The following MAB21L3 variants were observed in gnomAD, a reference collection of about 807,000 sequenced individuals.
MAB21L3 encodes the protein protein mab-21-like 3.
A neutral mutation model predicts 37.7 loss-of-function variants in MAB21L3; 36 were observed. The observed-to-expected ratio is 0.96, with a 90% CI of 0.73 to 1.26. The LOEUF is 1.26. Among genes scored for constraint, MAB21L3 ranks in the 50% most tolerant of loss-of-function variants. MAB21L3 has a pLI of 0.00. For synonymous variants in MAB21L3, 186 were observed against 176.8 expected, an observed-to-expected ratio of 1.05 and a Z score of -0.41; for missense variants, 430 against 447.3, an observed-to-expected ratio of 0.96 and a Z score of 0.35.
chr1:116,117,544 C>T (rs191642916), intron 3 of MAB21L3, among the ~76,000 whole-genome samples: 6 of 152,182 alleles, frequency 3.9e-5, no homozygotes, highest in Admixed American at 3.3e-4. Flanking sequence ...ATCTTAGCAC[C>T]TCAACTCTTA....
At chr1:116,130,763 C>T (rs565863018) in intron 7 of MAB21L3, among the ~76,000 whole-genome samples, 2 of 152,290 alleles carry the variant, frequency 1.3e-5, no homozygotes, top group African/African-American at 4.8e-5. Context: ...TTATTTATTC[C>T]TAAAACCCAC....
At chr1:116,131,516 AT>A (rs61649212) in intron 7 of MAB21L3, among the ~76,000 whole-genome samples, 24 of 150,466 alleles carry the variant, frequency 1.6e-4, no homozygotes, top group African/African-American at 4.4e-4. Context: ...TATTTTATTA[AT>A]TTTTTTTTTG....
chr1:116,129,269 A>C (rs1014882696), intron 7 of MAB21L3, among the ~76,000 whole-genome samples: 1 of 152,088 alleles, frequency 6.6e-6, no homozygotes, highest in Non-Finnish European at 1.5e-5. Flanking sequence ...GCCTTTGACC[A>C]CCCTCCCGAC....
intron 3 of MAB21L3, among the ~76,000 whole-genome samples, chr1:116,118,918 C>T (rs1235337706): frequency 6.6e-6 from 1 of 152,218 alleles, no homozygotes; most frequent in African/African-American, 2.4e-5. Context: ...CTGTGCAAAC[C>T]TCTACCTTGC....
chr1:116,136,417 G>A lies in MAB21L3; in HGVS notation c.*3052G>A, dbSNP rs1394029075. Among the ~76,000 whole-genome samples, 2 of 151,800 alleles carry A rather than the reference G, an allele frequency of 1.3e-5. No individual in the cohort carries two copies. Among genetic ancestry groups the A allele is most frequent in the Non-Finnish European group, 3.0e-5 (2 of 67,772 alleles). On this transcript the variant is annotated 3_prime_UTR_variant, in exon 8 of 8. Coordinates refer to ENST00000369500, the MANE Select transcript of MAB21L3 (RefSeq NM_152367.3). Reference sequence around the variant, plus strand: ...AAATACTTAGGAATCCAACTTACAAGGGACGTGAAGGACCTCTTCAAGGAG... The same window carrying A: ...AAATACTTAGGAATCCAACTTACAAAGGACGTGAAGGACCTCTTCAAGGAG...
intron 3 of MAB21L3, among the ~76,000 whole-genome samples, chr1:116,115,915 T>G (rs1659574506): frequency 6.6e-6 from 1 of 152,154 alleles, no homozygotes; most frequent in South Asian, 2.1e-4. Context: ...AACATTTGTT[T>G]CCATGTTTTG....
At chr1:116,112,720 A>G (rs1659465010) in intron 3 of MAB21L3, 57 bp downstream of exon 3, 7 of 1,568,656 alleles carry the variant, frequency 4.5e-6, no homozygotes, top group Non-Finnish European at 6.1e-6. Context: ...CTACTTCCAA[A>G]CAAACCTTCG....
At chr1:116,117,164 T>TAC (rs1332354638) in intron 3 of MAB21L3, among the ~76,000 whole-genome samples, 1 of 94,834 alleles carries the variant, frequency 1.1e-5, no homozygotes, top group South Asian at 3.2e-4. Flanking sequence ...TATACATACA[T>TAC]ATATATATAT....
Position 116,120,965 on chromosome 1 carries a change from G to A in MAB21L3, c.82G>A (p.Val28Met), listed in dbSNP as rs556639530. Residue 28 changes from valine (V) to methionine (M), a missense_variant, in exon 4 of 8, where the codon GTG (valine) becomes ATG (methionine). By Grantham distance (21) the Val-to-Met change is conservative. Transcript: ENST00000369500. ...DLRRQQISQA[V>M]EEVQKVVHHL... ...GAGGCGCCAGCAGATTTCCCAGGCT[G>A]TGGAGGAGGTGCAGAAAGTCGTTCA... 4 of 1,614,096 alleles carry A rather than the reference G, an allele frequency of 2.5e-6. No homozygotes were observed. In the South Asian group the frequency reaches 4.4e-5, roughly 18 times the overall value.
At chr1:116,119,565 G>T (rs1048280858) in intron 3 of MAB21L3, among the ~76,000 whole-genome samples, 3 of 152,126 alleles carry the variant, frequency 2.0e-5, no homozygotes, top group African/African-American at 7.2e-5. Context: ...AATTCAGAGA[G>T]AGTATAAAGA....
intron 7 of MAB21L3, among the ~76,000 whole-genome samples, chr1:116,130,343 T>C (rs1292816): frequency 0.93 from 142,315 of 152,328 alleles, 66,627 homozygotes; most frequent in East Asian, 1. Context: ...GACCCACCTG[T>C]GTGGCACAAT....
At chr1:116,114,534 C>T (rs952361265) in intron 3 of MAB21L3, among the ~76,000 whole-genome samples, 8 of 152,212 alleles carry the variant, frequency 5.3e-5, no homozygotes, top group Middle Eastern at 3.2e-3. Context: ...AAAGGCCGAA[C>T]GTCCTCTGCC....
At position 116,135,261 on chromosome 1, in the gene MAB21L3, A is replaced by G. The variant is rs1480114746; in HGVS notation, c.*1896A>G. On this transcript the variant is annotated 3_prime_UTR_variant, in exon 8 of 8. Transcript: ENST00000369500. ...CTAATAAAGAAAAAAAGAGAGAAGA[A>G]TCAAATAGATGCAATAAAAAATGAT... is the stretch of plus-strand genomic sequence containing the variant. 6.6e-6 allele frequency: 1 copy of G among 152,178 alleles called. No homozygotes were observed. Among genetic ancestry groups the G allele is most frequent in the East Asian group, 1.9e-4 (1 of 5,174 alleles). The allele number at this position is 152,178 out of a possible 1,614,324, so 9.4% of individuals were successfully genotyped here. A position where few individuals can be genotyped will look rare whatever the true frequency, so the allele number is the denominator to read the frequency against.
intron 3 of MAB21L3, among the ~76,000 whole-genome samples, chr1:116,114,826 G>C (rs1318634085): frequency 6.6e-6 from 1 of 152,180 alleles, no homozygotes; most frequent in South Asian, 2.1e-4. Context: ...GGAGGAGCAC[G>C]GTGCATTAGT....
At chr1:116,112,366 A>T (rs543253931) in intron 2 of MAB21L3, 41 bp from the exon 3 acceptor site, 7 of 395,722 alleles carry the variant, frequency 1.8e-5, no homozygotes, top group African/African-American at 1.4e-4. Flanking sequence ...AATTTTATCA[A>T]CTCTTCTTTT....
In MAB21L3 at chr1:116,133,414, A is replaced by G; in HGVS notation, c.*49A>G. 4 of 1,542,526 alleles carry G rather than the reference A, an allele frequency of 2.6e-6. No individual in the cohort carries two copies. Among genetic ancestry groups the G allele is most frequent in the Non-Finnish European group, 2.7e-6 (3 of 1,116,886 alleles). On this transcript the variant is annotated 3_prime_UTR_variant, in exon 8 of 8. Coordinates refer to ENST00000369500, the MANE Select transcript of MAB21L3 (RefSeq NM_152367.3). ...CTTGGACATTTTATTCTGGCTTAAC[A>G]TTGTTCTTTGGATGGTTCCTCAGTC...
chr1:116,137,417 A>G lies in MAB21L3; in HGVS notation c.*4052A>G, dbSNP rs1660218221. On this transcript the variant is annotated 3_prime_UTR_variant, in exon 8 of 8. Coordinates refer to ENST00000369500, the MANE Select transcript of MAB21L3 (RefSeq NM_152367.3). ...CATCAGAGAAATGCAAATCAAAACCACAGTGAGATACCATCTCACACCAGT... is the reference window on the plus strand; with the variant it reads ...CATCAGAGAAATGCAAATCAAAACCGCAGTGAGATACCATCTCACACCAGT... Among the ~76,000 whole-genome samples, 1 of 129,610 alleles carries G rather than the reference A, an allele frequency of 7.7e-6. No individual in the cohort carries two copies. The highest frequency in any genetic ancestry group is 1.5e-5 in the Non-Finnish European group (1 of 65,594). The allele number at this position is 129,610 out of a possible 152,430, so 85.0% of individuals were successfully genotyped here.
Position 116,124,097 on chromosome 1 carries a change from T to C in MAB21L3, c.221T>C (p.Val74Ala). 1 of 1,611,614 alleles carries C rather than the reference T, an allele frequency of 6.2e-7. No individual in the cohort carries two copies. Among genetic ancestry groups the C allele is most frequent in the Non-Finnish European group, 8.5e-7 (1 of 1,178,382 alleles). The change falls in exon 5 of 8, where the codon GTC becomes GCC. Residue 74 changes from valine (V) to alanine (A), a missense_variant. Physicochemically the swap from Val to Ala is moderately conservative, Grantham distance 64. Coordinates refer to ENST00000369500, the MANE Select transcript of MAB21L3 (RefSeq NM_152367.3). The part of the protein sequence containing the change: ...VLAPSQFLVT[V>A]PIKGLAGYRE... The stretch of plus-strand genomic sequence containing the variant: ...GCTCCCAGTCAGTTCCTCGTCACAG[T>C]CCCAATAAAAGGCCTGGCCGGGTAC...
At chr1:116,127,164 T>C (rs1490114341) in intron 5 of MAB21L3, among the ~76,000 whole-genome samples, 2 of 151,644 alleles carry the variant, frequency 1.3e-5, no homozygotes, top group Non-Finnish European at 2.9e-5. Flanking sequence ...GAAAAGAATC[T>C]ATTAATTTAA....
Sources: gnomAD v4.1 joint callset for allele counts (sites outside exome capture counted in the v4.1 genomes callset) on GRCh38, gnomAD v4.1.1 for gene constraint, MANE v1.5 for transcripts, NCBI Gene and HGNC (gene_info 2026-07-23, HGNC 2026-07-21) for gene names.